EPS15L1: variants seen among roughly 807,000 people sequenced by gnomAD.
The protein encoded by EPS15L1 is epidermal growth factor receptor substrate 15-like 1.
Under a neutral mutation model 117.1 loss-of-function variants are expected in EPS15L1, and 43 were observed. The ratio of observed to expected loss-of-function variants is 0.37; its 90% CI spans 0.29 to 0.47. EPS15L1 has a LOEUF of 0.47. EPS15L1 is among the 20% of genes least tolerant of loss of function. EPS15L1 has a pLI of 0.99. For synonymous variants in EPS15L1, 459 were observed against 470.5 expected (o/e 0.98, Z 0.32); for missense variants, 981 against 1,164.0 (o/e 0.84, Z 2.29).
chr19:16,417,145 C>T (rs1302384159), intron 12 of EPS15L1, among the ~76,000 whole-genome samples: 1 of 152,110 alleles, frequency 6.6e-6, no homozygotes, highest in Non-Finnish European at 1.5e-5. Flanking sequence ...AGGCTCTGCC[C>T]ATGACCTGCC....
At chr19:16,434,960 T>G (rs1387940943) in intron 6 of EPS15L1, 3 of 153,332 alleles carry the variant, frequency 2.0e-5, no homozygotes, top group African/African-American at 7.3e-5. Context: ...TTTCTTTTTT[T>G]GAGACAAAAA....
intron 1 of EPS15L1, among the ~76,000 whole-genome samples, chr19:16,447,285 T>G (rs546040666): frequency 1.3e-5 from 2 of 152,316 alleles, no homozygotes; most frequent in South Asian, 4.1e-4. Flanking sequence ...ATCAGAGGTT[T>G]CTACAGCAGA....
At chr19:16,384,253 A>G (rs2092395184) in intron 21 of EPS15L1, 1 of 152,146 alleles carries the variant, frequency 6.6e-6, no homozygotes, top group South Asian at 2.1e-4. Context: ...GACGGGACAC[A>G]CCTCATCTGC....
intron 4 of EPS15L1, 51 bp from the exon 5 acceptor site, chr19:16,437,916 T>G: frequency 7.2e-7 from 1 of 1,391,384 alleles, no homozygotes; most frequent in Non-Finnish European, 1.0e-6. Flanking sequence ...CCAGTGAGGG[T>G]AGGGGGAGCT....
rs1360139489 is a variant in EPS15L1, at chr19:16,365,508, C to T, written c.2381-3524G>A. ...GATCTTGGACTTTGAGCCTCTAGAA[C>T]TGCGGGACAATCCATGTCTGCTGTT... On this transcript the variant is annotated intron_variant, in intron 22 of 23. Coordinates refer to ENST00000455140, the MANE Select transcript of EPS15L1 (RefSeq NM_001258374.3). This position sits in a 1 kb window ranked among gnomAD's most constrained non-coding sequence, Gnocchi z 4.9. Among the ~76,000 whole-genome samples, 4 of 152,224 alleles carry T rather than the reference C, an allele frequency of 2.6e-5. No individual in the cohort carries two copies. Among genetic ancestry groups the T allele is most frequent in the Non-Finnish European group, 5.9e-5 (4 of 68,036 alleles).
At chr19:16,388,555 C>T (rs1294749424) in intron 19 of EPS15L1, among the ~76,000 whole-genome samples, 5 of 152,136 alleles carry the variant, frequency 3.3e-5, no homozygotes, top group Non-Finnish European at 5.9e-5. Flanking sequence ...CCACCGGGCA[C>T]GGTGGCTCAC....
chr19:16,411,601 A>G (rs1397434906), intron 13 of EPS15L1, among the ~76,000 whole-genome samples: 1 of 152,178 alleles, frequency 6.6e-6, no homozygotes, highest in Non-Finnish European at 1.5e-5. Context: ...CATCCTTCAG[A>G]TTGGTATTAA....
At chr19:16,400,743 C>T (rs1004163003) in intron 16 of EPS15L1, 1 of 985,294 alleles carries the variant, frequency 1.0e-6, no homozygotes, top group African/African-American at 1.7e-5. Flanking sequence ...GTAATTGTGT[C>T]TCAGGTAACC....
intron 15 of EPS15L1, among the ~76,000 whole-genome samples, chr19:16,403,206 G>A (rs1333207808): frequency 6.6e-6 from 1 of 152,158 alleles, no homozygotes; most frequent in African/African-American, 2.4e-5. Flanking sequence ...GAAGGGCAAC[G>A]GCTGCAGGCC....
At chr19:16,398,308 G>C (rs185013770) in intron 16 of EPS15L1, among the ~76,000 whole-genome samples, 4 of 152,188 alleles carry the variant, frequency 2.6e-5, no homozygotes, top group African/African-American at 7.2e-5. Context: ...TGGAGCCTCC[G>C]ACCACAGGGT....
At chr19:16,460,698 G>A (rs117956865) in intron 1 of EPS15L1, among the ~76,000 whole-genome samples, 1,856 of 152,238 alleles carry the variant, frequency 0.012, 29 homozygotes, top group Non-Finnish European at 0.02. Flanking sequence ...CGGGGGTGCC[G>A]CGGGCACAGA....
intron 1 of EPS15L1, among the ~76,000 whole-genome samples, chr19:16,461,771 C>A (rs80027128): frequency 2.4e-3 from 366 of 152,332 alleles, no homozygotes; most frequent in African/African-American, 7.9e-3. Context: ...GGGCCCCAGC[C>A]CTGGTGGTGC....
intron 1 of EPS15L1, among the ~76,000 whole-genome samples, chr19:16,470,473 T>C (rs895092388): frequency 3.9e-5 from 6 of 152,050 alleles, no homozygotes; most frequent in Admixed American, 2.0e-4. Context: ...GAAATGATCT[T>C]AGGTGATTTT....
At chr19:16,432,980 AT>A (rs144042862) in intron 7 of EPS15L1, among the ~76,000 whole-genome samples, 2 of 147,108 alleles carry the variant, frequency 1.4e-5, no homozygotes, top group Non-Finnish European at 3.0e-5. Flanking sequence ...AGTTTTTTGT[AT>A]TTTTTTTTCA....
intron 13 of EPS15L1, among the ~76,000 whole-genome samples, chr19:16,410,268 G>A (rs116858660): frequency 0.035 from 5,289 of 152,208 alleles, 119 homozygotes; most frequent in South Asian, 0.063. Flanking sequence ...GATACTTGAC[G>A]TCGCTAGGGA....
chr19:16,366,164 G>A (rs1021891487), intron 22 of EPS15L1, among the ~76,000 whole-genome samples: 4 of 152,174 alleles, frequency 2.6e-5, no homozygotes, highest in African/African-American at 7.2e-5. Context: ...GTAGCCCCCT[G>A]GGACGGGCAG....
chr19:16,459,646 C>T (rs2093229724), intron 1 of EPS15L1, among the ~76,000 whole-genome samples: 1 of 152,138 alleles, frequency 6.6e-6, no homozygotes, highest in Non-Finnish European at 1.5e-5. Context: ...CCTGAGGATG[C>T]TGGTAAGTCC....
At chr19:16,458,584 G>A (rs923749711) in intron 1 of EPS15L1, among the ~76,000 whole-genome samples, 3 of 152,006 alleles carry the variant, frequency 2.0e-5, no homozygotes, top group African/African-American at 7.3e-5. Flanking sequence ...GCTCTTCAGG[G>A]TGTGTAACGG....
chr19:16,418,612 TTTCC>T (rs756971503), intron 10 of EPS15L1, among the ~76,000 whole-genome samples: 6 of 152,234 alleles, frequency 3.9e-5, no homozygotes, highest in Admixed American at 6.5e-5. Flanking sequence ...AACGACTCTC[TTTCC>T]TTGTTATGAA....
Sources: gnomAD v4.1 joint callset for allele counts (sites outside exome capture counted in the v4.1 genomes callset) on GRCh38, gnomAD v4.1.1 for gene constraint, Gnocchi (gnomAD v3.1) non-coding constraint, MANE v1.5 for transcripts, NCBI Gene and HGNC (gene_info 2026-07-23, HGNC 2026-07-21) for gene names.